SRFBP1: variants seen among roughly 807,000 people sequenced by gnomAD.
SRFBP1 encodes serum response factor binding protein 1, also known as serum response factor-binding protein 1.
In SRFBP1, 47 loss-of-function variants were observed where a neutral mutation model predicts 45.5. The observed-to-expected ratio is 1.03, with a 90% CI of 0.82 to 1.32. SRFBP1 has a LOEUF of 1.32. Ranked by LOEUF, SRFBP1 falls within the 40% of genes most tolerant of loss-of-function variation. The pLI, the probability that SRFBP1 is intolerant of heterozygous loss-of-function variation, is 0.00. For missense variants in SRFBP1, 621 were observed against 484.6 expected (o/e 1.28, Z -2.64); for synonymous variants, 203 against 166.3 (o/e 1.22, Z -1.70).
rs1272777602 is a variant in SRFBP1 at position 122,028,136 on chromosome 5, T to A, written c.*1010T>A. ...TAAAAGGAAAACAGAAATTTTTAAATCCCTTCAAATGTTTCACTTTTGCTA... is the reference window on the plus strand; with the variant it reads ...TAAAAGGAAAACAGAAATTTTTAAAACCCTTCAAATGTTTCACTTTTGCTA... On this transcript the variant is annotated 3_prime_UTR_variant, in exon 8 of 8. Coordinates refer to ENST00000339397, the MANE Select transcript of SRFBP1 (RefSeq NM_152546.3). 1.3e-5 allele frequency: 2 copies of A among 152,320 alleles called. No individual in the cohort carries two copies. The highest frequency in any genetic ancestry group is 3.9e-4 in the East Asian group (2 of 5,182). The allele number at this position is 152,320 out of a possible 1,614,324, so 9.4% of individuals were successfully genotyped here. A position where few individuals can be genotyped will look rare whatever the true frequency, so the allele number is the denominator to read the frequency against.
At chr5:122,077,320 G>GCTTC (rs1357076637), downstream of SRFBP1, 1 of 1,612,854 alleles carries the variant, frequency 6.2e-7, no homozygotes. This position sits in a 1 kb window ranked among gnomAD's most constrained non-coding sequence, Gnocchi z 4.9. Flanking sequence ...GGGACCAGGT[G>GCTTC]CACGGGTGCT....
Position 121,974,295 on chromosome 5 carries a change from T to G in SRFBP1, c.125+11T>G, listed in dbSNP as rs920855047. ...ACTGAAGTCAAAAAAGTTAGTCATT[T>G]AAAGTAATGATCTTGTGACTAATAA... On this transcript the variant is annotated intron_variant, in intron 2 of 7. Transcript: ENST00000339397. The G allele has an allele frequency of 6.3e-7, 1 of 1,588,562 alleles. No individual in the cohort carries two copies. Among genetic ancestry groups the G allele is most frequent in the African/African-American group, 1.3e-5 (1 of 74,292 alleles).
rs1356229320 is a variant in SRFBP1, at chr5:122,020,524, T to C, written c.789T>C (p.Asp263=). The C allele has an allele frequency of 6.2e-7, 1 of 1,614,112 alleles. No homozygotes were observed. Among genetic ancestry groups the C allele is most frequent in the Non-Finnish European group, 8.5e-7 (1 of 1,179,996 alleles). ...AAGAGGAGAAGGAATATTTTGATGA[T>C]AGCACAGAAGAAAGGTTTTACAAGC... ...FCEEEKEYFD[D]STEERFYKQS... Residue 263 remains aspartate, a synonymous_variant, in exon 6 of 8, where the codon GAT becomes GAC. Coordinates refer to ENST00000339397, the MANE Select transcript of SRFBP1 (RefSeq NM_152546.3).
chr5:121,994,780 T>C, intron 4 of SRFBP1, 110 bp downstream of exon 4: 2 of 667,582 alleles, frequency 3.0e-6, no homozygotes, highest in Non-Finnish European at 4.8e-6. Flanking sequence ...AGTTTGTAAT[T>C]AGTTTTCCTA....
intron 6 of SRFBP1, among the ~76,000 whole-genome samples, chr5:122,021,728 G>A (rs1753326711): frequency 7.3e-6 from 1 of 137,886 alleles, no homozygotes; most frequent in Admixed American, 7.8e-5. Context: ...CCAGGCTGGA[G>A]TGCAGTGGTG....
chr5:122,020,228 A>G lies in SRFBP1; in HGVS notation c.493A>G (p.Ile165Val), dbSNP rs374380607. ...GSNLQREATVISEQKVKETKI... is the reference protein window; with the variant it reads ...GSNLQREATVVSEQKVKETKI... ...TAATTTACAGCGTGAAGCAACTGTC[A>G]TCAGTGAGCAAAAAGTCAAAGAAAC... Residue 165 changes from isoleucine to valine, a missense_variant, in exon 6 of 8, where the codon ATC becomes GTC. Ile to Val is a conservative substitution (Grantham distance 29). Transcript: ENST00000339397. 1 of 1,613,330 alleles carries G rather than the reference A, an allele frequency of 6.2e-7. No individual in the cohort carries two copies. Among genetic ancestry groups the G allele is most frequent in the Non-Finnish European group, 8.5e-7 (1 of 1,179,798 alleles).
chr5:122,032,201 TGTA>T (rs1753600036), downstream of SRFBP1, among the ~76,000 whole-genome samples: 1 of 152,096 alleles, frequency 6.6e-6, no homozygotes. Flanking sequence ...ATATGTGAAA[TGTA>T]GTGAAATTTA....
chr5:122,047,787 G>C (rs1244756118), intron 2 of SRFBP1, among the ~76,000 whole-genome samples: 2 of 152,088 alleles, frequency 1.3e-5, no homozygotes, highest in African/African-American at 4.8e-5. Flanking sequence ...GGATTCCTAG[G>C]TATTTTATTC....
intron 1 of SRFBP1, among the ~76,000 whole-genome samples, chr5:121,971,171 T>G (rs1179255711): frequency 3.3e-5 from 5 of 152,042 alleles, no homozygotes; most frequent in Non-Finnish European, 5.9e-5. Flanking sequence ...ACATTGGATA[T>G]ATACTTTAAA....
intron 1 of SRFBP1, among the ~76,000 whole-genome samples, chr5:121,964,927 A>G (rs1367334208): frequency 6.6e-6 from 1 of 152,296 alleles, no homozygotes; most frequent in East Asian, 1.9e-4. Context: ...TTGGATTTGC[A>G]TATCTCTAAT....
intron 7 of SRFBP1, 104 bp downstream of exon 7, chr5:122,022,511 T>C (rs1032800551): frequency 2.2e-6 from 2 of 914,590 alleles, no homozygotes; most frequent in Non-Finnish European, 1.6e-6. Context: ...GAATGAATTA[T>C]GTACCCACAG....
intron 2 of SRFBP1, among the ~76,000 whole-genome samples, chr5:122,051,466 T>G (rs868795821): frequency 3.3e-5 from 5 of 152,152 alleles, no homozygotes; most frequent in East Asian, 1.9e-4. Flanking sequence ...TTAGGATAGT[T>G]AGGTCTTCTT....
At chr5:122,078,904 C>T (rs1232014108), downstream of SRFBP1, among the ~76,000 whole-genome samples, 3 of 152,254 alleles carry the variant, frequency 2.0e-5, no homozygotes, top group Non-Finnish European at 4.4e-5. Flanking sequence ...GCTAACGCTG[C>T]AGCTATGAAT....
chr5:122,073,093 A>C (rs1754497659), intron 2 of SRFBP1, among the ~76,000 whole-genome samples: 1 of 152,200 alleles, frequency 6.6e-6, no homozygotes, highest in Non-Finnish European at 1.5e-5. Context: ...TAGGTCACCA[A>C]ACAGCTTCCT....
At chr5:121,972,456 G>A (rs1409887535) in intron 1 of SRFBP1, among the ~76,000 whole-genome samples, 1 of 151,822 alleles carries the variant, frequency 6.6e-6, no homozygotes, top group Non-Finnish European at 1.5e-5. Context: ...AATACAGGAT[G>A]GCTAGGAAGA....
intron 7 of SRFBP1, among the ~76,000 whole-genome samples, chr5:122,024,503 C>G (rs946261532): frequency 2.6e-5 from 4 of 152,110 alleles, no homozygotes; most frequent in Non-Finnish European, 5.9e-5. Context: ...CCTCTGGATC[C>G]TAGGAGTTCT....
At chr5:122,034,619 C>G (rs1305258621) in intron 2 of SRFBP1, among the ~76,000 whole-genome samples, 1 of 152,064 alleles carries the variant, frequency 6.6e-6, no homozygotes, top group Non-Finnish European at 1.5e-5. Context: ...CAGCACAAAA[C>G]AAATAGCATT....
At chr5:122,067,809 G>A (rs114214696) in intron 2 of SRFBP1, among the ~76,000 whole-genome samples, 13 of 151,998 alleles carry the variant, frequency 8.6e-5, no homozygotes, top group African/African-American at 2.9e-4. Flanking sequence ...CTTGCCCTGG[G>A]CTTCCTTTCC....
At chr5:122,028,732 A>G (rs1490158789), downstream of SRFBP1, 1 of 152,180 alleles carries the variant, frequency 6.6e-6, no homozygotes, top group Non-Finnish European at 1.5e-5. Context: ...TTATTTTGAT[A>G]TAATTTCAGA....
Sources: allele counts gnomAD v4.1 joint callset (sites outside exome capture counted in the v4.1 genomes callset), GRCh38; gene constraint gnomAD v4.1.1; non-coding constraint Gnocchi (gnomAD v3.1); transcripts MANE v1.5; gene names NCBI Gene and HGNC (gene_info 2026-07-23, HGNC 2026-07-21).